SEC14L1: variants seen among roughly 807,000 people sequenced by gnomAD.
SEC14L1 encodes SEC14-like protein 1.
Under a neutral mutation model 85.3 loss-of-function variants are expected in SEC14L1, and 48 were observed. The observed-to-expected ratio is 0.56, with a 90% confidence interval of 0.45 to 0.72. The LOEUF (loss-of-function observed/expected upper bound fraction) is 0.72. Ranked by LOEUF, SEC14L1 falls within the 30% of genes least tolerant of loss-of-function variation. The pLI is 0.00. For missense variants in SEC14L1, 682 were observed against 921.4 expected (o/e 0.74, Z 3.36); for synonymous variants, 391 against 355.5 (o/e 1.10, Z -1.12).
intron 3 of SEC14L1, among the ~76,000 whole-genome samples, chr17:77,126,138 G>A (rs1301176007): frequency 3.3e-5 from 5 of 152,240 alleles, no homozygotes; most frequent in African/African-American, 9.6e-5. Flanking sequence ...GTGACAGAGC[G>A]AGACTCCGTC....
chr17:77,187,937 G>A (rs561751960), intron 3 of SEC14L1, among the ~76,000 whole-genome samples: 13 of 151,996 alleles, frequency 8.6e-5, no homozygotes, highest in African/African-American at 2.9e-4. Context: ...TAGAGATGGG[G>A]TTATGCTATG....
intron 1 of SEC14L1, chr17:77,141,485 C>G (rs1973040371): frequency 6.6e-6 from 1 of 151,868 alleles, no homozygotes. Context: ...CGCGGGACCC[C>G]TGCTGAGCAG....
chr17:77,202,945 A>C (rs567429424), intron 9 of SEC14L1, among the ~76,000 whole-genome samples: 3 of 151,694 alleles, frequency 2.0e-5, no homozygotes, highest in Admixed American at 2.0e-4. Flanking sequence ...ATAAAAAAAA[A>C]AAAAAAACAG....
chr17:77,187,199 A>G (rs1975303678), intron 3 of SEC14L1, among the ~76,000 whole-genome samples: 1 of 152,140 alleles, frequency 6.6e-6, no homozygotes, highest in South Asian at 2.1e-4. Context: ...GGTCCCAGGC[A>G]TTTTGGAGAA....
chr17:77,095,451 G>T (rs184361361), intron 3 of SEC14L1, among the ~76,000 whole-genome samples: 1 of 152,188 alleles, frequency 6.6e-6, no homozygotes, highest in Non-Finnish European at 1.5e-5. Context: ...TGCATGAAGT[G>T]TCTGCAGACA....
intron 8 of SEC14L1, 140 bp downstream of exon 8, chr17:77,196,451 T>A: frequency 1.7e-6 from 1 of 599,364 alleles, no homozygotes; most frequent in Non-Finnish European, 2.9e-6. Context: ...GTCATTGAAT[T>A]TATGTCTCTG....
At chr17:77,178,723 C>G (rs1452308598) in intron 3 of SEC14L1, among the ~76,000 whole-genome samples, 1 of 152,206 alleles carries the variant, frequency 6.6e-6, no homozygotes, top group East Asian at 1.9e-4. Context: ...CACAATAGGG[C>G]TCTCACTCCT....
Position 77,143,543 on chromosome 17 carries a change from ATCACATATAT to A in SEC14L1, c.-30-22_-30-13del. On this transcript the variant is annotated splice_polypyrimidine_tract_variant and intron_variant, in intron 2 of 16. Transcript: ENST00000436233. The stretch of plus-strand genomic sequence containing the variant: ...ATTTGTTTCTGCATTGTGGTTACTT[ATCACATATAT>A]TTATGTTTTGCAGGTGTGAGAGGGT... The A allele has an allele frequency of 7.0e-7, 1 of 1,432,766 alleles. No individual in the cohort carries two copies. Among genetic ancestry groups the A allele is most frequent in the Non-Finnish European group, 9.8e-7 (1 of 1,017,316 alleles). The allele number at this position is 1,432,766 out of a possible 1,614,324, so 88.8% of individuals were successfully genotyped here.
chr17:77,120,899 G>A (rs548586246), intron 3 of SEC14L1, among the ~76,000 whole-genome samples: 3 of 152,338 alleles, frequency 2.0e-5, no homozygotes, highest in African/African-American at 7.2e-5. Flanking sequence ...ACTTGGACTC[G>A]GAACTCACTT....
Position 77,209,450 on chromosome 17 carries a change from A to G in SEC14L1, c.1585A>G (p.Ser529Gly), listed in dbSNP as rs377578365. ...LWTETIYQSA[S>G]VFKGAPHEIL... is the part of the protein sequence containing the mutation. ...GACTGAGACCATCTACCAGTCTGCA[A>G]GCGTCTTCAAAGGAGCCCCACATGA... Residue 529 changes from serine to glycine, a missense_variant, in exon 14 of 17, where the codon AGC becomes GGC. By Grantham distance (56) the Ser-to-Gly change is moderately conservative. Around this residue, in one of 3 missense-constraint regions of SEC14L1, gnomAD observed 420 missense variants for 619.5 expected, o/e 0.68. Coordinates refer to ENST00000436233, the MANE Select transcript of SEC14L1 (RefSeq NM_001143998.2). 260 of 1,614,072 alleles carry G rather than the reference A, an allele frequency of 1.6e-4. 1 individual carries two copies. Among genetic ancestry groups the G allele is most frequent in the Non-Finnish European group, 2.1e-4 (247 of 1,180,038 alleles).
At chr17:77,104,430 CTTTT>C (rs111712879) in intron 3 of SEC14L1, among the ~76,000 whole-genome samples, 3 of 135,988 alleles carry the variant, frequency 2.2e-5, no homozygotes, top group African/African-American at 5.5e-5. Flanking sequence ...CTTGTGTTTA[CTTTT>C]TTTTTTTTTT....
intron 3 of SEC14L1, among the ~76,000 whole-genome samples, chr17:77,187,512 G>A (rs1019433871): frequency 2.4e-4 from 37 of 151,888 alleles, no homozygotes; most frequent in Admixed American, 4.6e-4. Flanking sequence ...CAAGTAGCTG[G>A]GATTACAGGT....
chr17:77,158,798 C>CTT (rs34186028), intron 3 of SEC14L1, among the ~76,000 whole-genome samples: 856 of 39,234 alleles, frequency 0.022, 245 homozygotes, highest in African/African-American at 0.026. Flanking sequence ...GCTTTCTTTC[C>CTT]TTTTTTTTTT....
rs187917924 is a variant in SEC14L1, at chr17:77,093,089, T to C, written c.-239-155T>C. ...GAATGAGGGGTGGCTGGGGGCCCAT[T>C]CCCCGCAGGGCAGAATCCCAGGGTA... On this transcript the variant is annotated intron_variant, in intron 2 of 19. Transcript: ENST00000392476. Among the ~76,000 whole-genome samples the C allele has an allele frequency of 1.0e-3, 153 of 152,122 alleles. 1 individual carries two copies. The highest frequency in any genetic ancestry group is 8.7e-3 in the South Asian group (42 of 4,804).
At chr17:77,103,421 CTTTTTTGTTGTTGTTTT>C (rs927340313) in intron 3 of SEC14L1, among the ~76,000 whole-genome samples, 27 of 150,312 alleles carry the variant, frequency 1.8e-4, no homozygotes, top group African/African-American at 5.1e-4. Context: ...CCAGATTTTT[CTTTTTTGTTGTTGTTTT>C]TTTTTTGTTG....
intron 2 of SEC14L1, among the ~76,000 whole-genome samples, chr17:77,090,672 T>A (rs1188640780): frequency 6.7e-6 from 1 of 150,210 alleles, no homozygotes; most frequent in African/African-American, 2.5e-5. Context: ...GAAAGCAAAG[T>A]GGAGAATGGT....
intron 3 of SEC14L1, among the ~76,000 whole-genome samples, chr17:77,157,104 C>G (rs1400832208): frequency 3.3e-5 from 5 of 152,042 alleles, no homozygotes; most frequent in Non-Finnish European, 5.9e-5. Context: ...TGAGGTAGGC[C>G]TAATCACAAA....
chr17:77,150,541 CAG>C (rs1973508647), intron 3 of SEC14L1, among the ~76,000 whole-genome samples: 2 of 152,170 alleles, frequency 1.3e-5, no homozygotes, highest in African/African-American at 4.8e-5. Context: ...ATATACAAAA[CAG>C]GGAGACGTGA....
Position 77,158,798 on chromosome 17 carries a change from C to CTTTTTTTTTTT in SEC14L1, c.63+15162_63+15172dup, listed in dbSNP as rs34186028. The stretch of plus-strand genomic sequence containing the variant: ...CAATTACATTTTATAGCTTTCTTTC[C>CTTTTTTTTTTT]TTTTTTTTTTTTTTTTTTTTTTTTT... On this transcript the variant is annotated intron_variant, in intron 3 of 16. Transcript: ENST00000436233. Among the ~76,000 whole-genome samples the CTTTTTTTTTTT allele has an allele frequency of 9.4e-4, 37 of 39,238 alleles. 12 individuals are homozygous for CTTTTTTTTTTT. The highest frequency in any genetic ancestry group is 1.1e-3 in the Non-Finnish European group (24 of 22,436). The allele number at this position is 39,238 out of a possible 152,430, so 25.7% of individuals were successfully genotyped here. A position where few individuals can be genotyped will look rare whatever the true frequency, so the allele number is the denominator to read the frequency against.
Sources: allele counts gnomAD v4.1 joint callset (sites outside exome capture counted in the v4.1 genomes callset), GRCh38; gene constraint gnomAD v4.1.1; regional missense constraint gnomAD v4.1.1; transcripts MANE v1.5; gene names NCBI Gene and HGNC (gene_info 2026-07-23, HGNC 2026-07-21).